Variants in ELMO2 observed in about 807,000 individuals in gnomAD.
ELMO2 encodes engulfment and cell motility protein 2.
A neutral mutation model predicts 96.2 loss-of-function variants in ELMO2; 37 were observed. That is an observed-to-expected ratio of 0.38 (90% confidence interval 0.30 to 0.51). ELMO2 has a LOEUF of 0.51. Ranked by LOEUF, ELMO2 falls within the 20% of genes least tolerant of loss-of-function variation. The probability of loss-of-function intolerance (pLI) is 0.88; values close to 1 mark genes in which losing one functional copy is unlikely to be tolerated. For missense variants in ELMO2, 561 were observed against 912.6 expected (o/e 0.61, Z 4.96); for synonymous variants, 315 against 329.4 (o/e 0.96, Z 0.47).
intron 6 of ELMO2, among the ~76,000 whole-genome samples, chr20:46,392,499 T>C (rs892728168): frequency 5.9e-5 from 9 of 152,218 alleles, no homozygotes; most frequent in Non-Finnish European, 1.3e-4. Flanking sequence ...AAGTGATCTT[T>C]CTAAAACTTA....
chr20:46,393,286 T>C, intron 5 of ELMO2, 143 bp from the exon 6 acceptor site: 1 of 957,474 alleles, frequency 1.0e-6, no homozygotes, highest in Non-Finnish European at 1.6e-6. Flanking sequence ...CTCCTGCTTA[T>C]TCCTTGGCAA....
chr20:46,400,845 A>T (rs866378133), intron 1 of ELMO2, among the ~76,000 whole-genome samples: 3 of 152,236 alleles, frequency 2.0e-5, no homozygotes, highest in Non-Finnish European at 2.9e-5. Context: ...CAGAAGCCCC[A>T]TGGAGCTTTA....
chr20:46,396,046 G>A (rs1233273805), intron 2 of ELMO2, among the ~76,000 whole-genome samples: 3 of 152,216 alleles, frequency 2.0e-5, no homozygotes, highest in Non-Finnish European at 4.4e-5. Flanking sequence ...GCAATTAAAC[G>A]CAGCCTAAAG....
intron 2 of ELMO2, among the ~76,000 whole-genome samples, chr20:46,395,241 C>A (rs755880748): frequency 2.0e-5 from 3 of 152,146 alleles, no homozygotes; most frequent in South Asian, 2.1e-4. Flanking sequence ...CCCCCTCCCC[C>A]ACTTCTCTCC....
chr20:46,390,629 G>A (rs564579356), intron 6 of ELMO2: 2 of 152,300 alleles, frequency 1.3e-5, no homozygotes, highest in South Asian at 4.1e-4. Flanking sequence ...TTACTACATA[G>A]TGCCTCACAA....
chr20:46,382,073 A>T, intron 10 of ELMO2: 2 of 755,066 alleles, frequency 2.6e-6, no homozygotes, highest in Non-Finnish European at 3.9e-6. Context: ...GACAAAGGAG[A>T]TTCACAGCAC....
Position 46,373,305 on chromosome 20 carries a change from C to T in ELMO2, c.1416+94G>A, listed in dbSNP as rs2145771153. ...AGTTCTGCAGACCAAGCTGCTTTTC[C>T]AGCTCAGGGATTCTCCAGGTGCCAG... On this transcript the variant is annotated intron_variant, in intron 16 of 21. Transcript: ENST00000290246. 4 of 1,547,406 alleles carry T rather than the reference C, an allele frequency of 2.6e-6. No individual in the cohort carries two copies. In the South Asian group the frequency reaches 3.6e-5, roughly 14 times the overall value.
intron 11 of ELMO2, chr20:46,379,773 C>T (rs1204476394): frequency 2.6e-5 from 4 of 153,102 alleles, no homozygotes; most frequent in Non-Finnish European, 5.8e-5. Context: ...AATCACTGTT[C>T]CTCCTCCATC....
chr20:46,371,223 A>T lies in ELMO2; in HGVS notation c.1801+129T>A. The T allele has an allele frequency of 3.4e-6, 3 of 888,120 alleles. No homozygotes were observed. Among genetic ancestry groups the T allele is most frequent in the Non-Finnish European group, 3.5e-6 (2 of 574,222 alleles). 55.0% of individuals were successfully genotyped at this position (888,120 alleles called of 1,614,324 possible). A position where few individuals can be genotyped will look rare whatever the true frequency, so the allele number is the denominator to read the frequency against. On this transcript the variant is annotated intron_variant, in intron 19 of 21. Coordinates refer to ENST00000290246, the MANE Select transcript of ELMO2 (RefSeq NM_133171.5). This position sits in a 1 kb window ranked among gnomAD's most constrained non-coding sequence, Gnocchi z 5.9. ...AGGCCAGGTAGAGGAAATCGCTGACAGATAAGGAAACAGGTCCAGAGAGGT... is the reference window on the plus strand; with the variant it reads ...AGGCCAGGTAGAGGAAATCGCTGACTGATAAGGAAACAGGTCCAGAGAGGT...
At chr20:46,376,781 T>C in intron 11 of ELMO2, 1 of 1,289,360 alleles carries the variant, frequency 7.8e-7, no homozygotes, top group South Asian at 1.2e-5. Context: ...ACCACCACTA[T>C]GTCCTTCAAT....
intron 11 of ELMO2, chr20:46,376,785 C>G (rs1439512608): frequency 7.8e-7 from 1 of 1,289,182 alleles, no homozygotes; most frequent in African/African-American, 1.5e-5. Flanking sequence ...CCACTATGTC[C>G]TTCAATTTCC....
chr20:46,378,121 C>G (rs1328194114), intron 11 of ELMO2, among the ~76,000 whole-genome samples: 1 of 152,208 alleles, frequency 6.6e-6, no homozygotes, highest in African/African-American at 2.4e-5. Flanking sequence ...TAAGAAACAT[C>G]AGGGCAGGAA....
In ELMO2 at chr20:46,374,380, T is replaced by A; in HGVS notation, c.1231A>T (p.Ile411Phe). The A allele has an allele frequency of 1.9e-6, 3 of 1,614,182 alleles. No homozygotes were observed. The highest frequency in any genetic ancestry group is 2.5e-6 in the Non-Finnish European group (3 of 1,180,034). ...KHECPFGRSA[I>F]ELTKMLCEIL... ...TCACAGAGCATTTTGGTGAGCTCAATGGCACTGCGGCCAAAGGGGCATTCA... is the reference window on the plus strand; with the variant it reads ...TCACAGAGCATTTTGGTGAGCTCAAAGGCACTGCGGCCAAAGGGGCATTCA... Residue 411 changes from isoleucine to phenylalanine, a missense_variant, in exon 15 of 22, where the codon ATT (isoleucine) becomes TTT (phenylalanine). Coordinates refer to ENST00000290246, the MANE Select transcript of ELMO2 (RefSeq NM_133171.5).
intron 1 of ELMO2, among the ~76,000 whole-genome samples, chr20:46,404,721 C>T (rs1373795011): frequency 6.6e-6 from 1 of 152,036 alleles, no homozygotes; most frequent in Non-Finnish European, 1.5e-5. Context: ...GTTTCAAAAA[C>T]TTAGTACAAA....
rs773956129 is a variant in ELMO2, at chr20:46,375,647, G to A, written c.930+21C>T. On this transcript the variant is annotated intron_variant, in intron 12 of 21. Coordinates refer to ENST00000290246, the MANE Select transcript of ELMO2 (RefSeq NM_133171.5). The surrounding 1 kb of genome is among the most constrained non-coding windows in gnomAD (Gnocchi z 4.6). ...ACTGCACCACAGCCATGAGAAAACA[G>A]CTGCCCCACTTAGCACCTACCTGGT... is the stretch of plus-strand genomic sequence containing the variant. The A allele has an allele frequency of 6.2e-7, 1 of 1,613,942 alleles. No individual in the cohort carries two copies. Among genetic ancestry groups the A allele is most frequent in the East Asian group, 2.2e-5 (1 of 44,890 alleles).
chr20:46,387,307 G>A, intron 8 of ELMO2, 31 bp downstream of exon 8: 1 of 1,588,664 alleles, frequency 6.3e-7, no homozygotes, highest in Non-Finnish European at 8.6e-7. Context: ...AGCTGAGGGA[G>A]GAGAGAAAGA....
intron 2 of ELMO2, among the ~76,000 whole-genome samples, chr20:46,397,992 T>G (rs1052848862): frequency 1.3e-5 from 2 of 152,208 alleles, no homozygotes; most frequent in Non-Finnish European, 2.9e-5. Flanking sequence ...GTCCACTGTA[T>G]CCTGCCAATA....
intron 11 of ELMO2, 97 bp downstream of exon 11, chr20:46,380,153 GTCC>G: frequency 9.8e-7 from 1 of 1,021,722 alleles, no homozygotes; most frequent in Non-Finnish European, 1.5e-6. Context: ...TCCTCTGTGT[GTCC>G]TCCTCACTCA....
At chr20:46,367,584 G>T (rs1242743491) in intron 21 of ELMO2, 24 bp from the exon 22 acceptor site, 3 of 1,578,876 alleles carry the variant, frequency 1.9e-6, no homozygotes, top group Non-Finnish European at 1.7e-6. Context: ...GTTGCAAAAT[G>T]TCACATCGTG....
Sources: allele counts gnomAD v4.1 joint callset (sites outside exome capture counted in the v4.1 genomes callset), GRCh38; gene constraint gnomAD v4.1.1; non-coding constraint Gnocchi (gnomAD v3.1); transcripts MANE v1.5; gene names NCBI Gene and HGNC (gene_info 2026-07-23, HGNC 2026-07-21).